SLC1A3: variants seen among roughly 807,000 people sequenced by gnomAD.
SLC1A3 encodes excitatory amino acid transporter 1.
SLC1A3 carries 21 observed loss-of-function variants against 48.1 expected under a neutral mutation model. The observed-to-expected ratio is 0.44, with a 90% CI of 0.31 to 0.63. The LOEUF (loss-of-function observed/expected upper bound fraction) is 0.63, where lower values mean the gene tolerates loss of function less well. SLC1A3 is among the 20% of genes least tolerant of loss of function. SLC1A3 has a pLI of 0.08. For synonymous variants in SLC1A3, 239 were observed against 251.4 expected (o/e 0.95, Z 0.47); for missense variants, 546 against 689.0 (o/e 0.79, Z 2.32).
At chr5:36,680,186 A>G (rs1372360166) in intron 7 of SLC1A3, among the ~76,000 whole-genome samples, 1 of 152,238 alleles carries the variant, frequency 6.6e-6, no homozygotes, top group Non-Finnish European at 1.5e-5. Flanking sequence ...TGCCTCACAG[A>G]GGAACCCAGA....
intron 2 of SLC1A3, among the ~76,000 whole-genome samples, chr5:36,628,088 A>G (rs1739983531): frequency 1.3e-5 from 2 of 152,190 alleles, no homozygotes; most frequent in Non-Finnish European, 1.5e-5. Context: ...GCGTTTTCCA[A>G]TTCAACTTTT....
intron 3 of SLC1A3, among the ~76,000 whole-genome samples, chr5:36,647,256 C>G (rs1740875948): frequency 6.6e-6 from 1 of 152,152 alleles, no homozygotes; most frequent in Non-Finnish European, 1.5e-5. Context: ...TGTGAGTACT[C>G]AACAAACACT....
At chr5:36,613,094 C>G in intron 2 of SLC1A3, 2 of 307,470 alleles carry the variant, frequency 6.5e-6, no homozygotes, top group South Asian at 5.3e-5. Flanking sequence ...TGGGGGTGCA[C>G]GAGGGTAAGT....
intron 3 of SLC1A3, among the ~76,000 whole-genome samples, chr5:36,642,785 A>G (rs893590263): frequency 3.3e-5 from 5 of 152,206 alleles, no homozygotes; most frequent in African/African-American, 9.6e-5. Context: ...ACCTATTATG[A>G]ACATGTCATG....
intron 5 of SLC1A3, among the ~76,000 whole-genome samples, chr5:36,676,636 T>C (rs938892814): frequency 7.6e-6 from 1 of 132,232 alleles, no homozygotes; most frequent in Non-Finnish European, 1.6e-5. Context: ...TGTTATGTAT[T>C]TGAGTGTGTG....
intron 1 of SLC1A3, among the ~76,000 whole-genome samples, chr5:36,600,921 A>G (rs933910026): frequency 6.6e-6 from 1 of 152,240 alleles, no homozygotes; most frequent in African/African-American, 2.4e-5. Flanking sequence ...ATTTGTGCTC[A>G]AGGCCCAGTT....
At chr5:36,657,738 A>G (rs993615060) in intron 3 of SLC1A3, among the ~76,000 whole-genome samples, 3 of 152,234 alleles carry the variant, frequency 2.0e-5, no homozygotes, top group Non-Finnish European at 2.9e-5. Context: ...CAATTGCGCA[A>G]TTACAGGATG....
chr5:36,597,431 A>T (rs1738757849), intron 1 of SLC1A3, among the ~76,000 whole-genome samples: 1 of 150,524 alleles, frequency 6.6e-6, no homozygotes, highest in South Asian at 2.1e-4. Context: ...TTTAGTAGAG[A>T]CGGGGTTTCA....
chr5:36,598,392 C>T (rs1458674047), intron 1 of SLC1A3, among the ~76,000 whole-genome samples: 1 of 152,088 alleles, frequency 6.6e-6, no homozygotes, highest in Non-Finnish European at 1.5e-5. Context: ...ATTACTATTA[C>T]CATTAGCCAT....
At position 36,608,462 on chromosome 5, in the gene SLC1A3, C is replaced by A. The variant is rs1420767929; in HGVS notation, c.39C>A (p.Gly13=). The change falls in exon 2 of 10, where the codon GGC becomes GGA. Residue 13 remains glycine (G), a synonymous_variant. Transcript: ENST00000265113. Reference sequence around the variant, plus strand: ...ATGGAGAAGAGCCCAAGATGGGGGGCAGGATGGAGAGATTCCAGCAGGGAG... The same window carrying A: ...ATGGAGAAGAGCCCAAGATGGGGGGAAGGATGGAGAGATTCCAGCAGGGAG... ...KSNGEEPKMG[G]RMERFQQGVR... 6.2e-7 allele frequency: 1 copy of A among 1,613,946 alleles called. No homozygotes were observed. The highest frequency in any genetic ancestry group is 1.1e-5 in the South Asian group (1 of 91,086).
At chr5:36,638,645 G>C (rs62354639) in intron 3 of SLC1A3, 7,271 of 152,448 alleles carry the variant, frequency 0.048, 377 homozygotes, top group East Asian at 0.22. Context: ...TCCTGCCTGA[G>C]AAGTGTACCA....
chr5:36,659,200 T>A (rs1741407533), intron 3 of SLC1A3, among the ~76,000 whole-genome samples: 1 of 152,206 alleles, frequency 6.6e-6, no homozygotes, highest in Non-Finnish European at 1.5e-5. Context: ...ATGCCAGCAA[T>A]GCCACTTATT....
At chr5:36,656,174 T>G (rs1258443922) in intron 3 of SLC1A3, among the ~76,000 whole-genome samples, 3 of 152,224 alleles carry the variant, frequency 2.0e-5, no homozygotes, top group African/African-American at 4.8e-5. Flanking sequence ...AAAAAAAATA[T>G]GCTGGTTATT....
At chr5:36,634,878 C>T (rs945166309) in intron 3 of SLC1A3, among the ~76,000 whole-genome samples, 6 of 152,296 alleles carry the variant, frequency 3.9e-5, no homozygotes, top group South Asian at 2.1e-4. Context: ...CCTCAAAGTA[C>T]GGTCCTTTGG....
intron 1 of SLC1A3, among the ~76,000 whole-genome samples, chr5:36,598,545 T>G (rs914840917): frequency 5.3e-5 from 8 of 152,248 alleles, no homozygotes; most frequent in Admixed American, 2.6e-4. Context: ...GAGCAATCAC[T>G]TTCTAACAGT....
chr5:36,680,512 C>G lies in SLC1A3; in HGVS notation c.1212C>G (p.Leu404=). Reference sequence around the variant, plus strand: ...CCATTAACATGGATGGGACTGCCCTCTATGAGGCTTTGGCTGCCATTTTCA... The same window carrying G: ...CCATTAACATGGATGGGACTGCCCTGTATGAGGCTTTGGCTGCCATTTTCA... ...GATINMDGTA[L]YEALAAIFIA... Residue 404 remains leucine (L), a synonymous_variant, in exon 8 of 10, where the codon CTC becomes CTG. Coordinates refer to ENST00000265113, the MANE Select transcript of SLC1A3 (RefSeq NM_004172.5). 6.2e-7 allele frequency: 1 copy of G among 1,614,214 alleles called. No individual in the cohort carries two copies. Among genetic ancestry groups the G allele is most frequent in the Non-Finnish European group, 8.5e-7 (1 of 1,180,006 alleles).
In SLC1A3 at chr5:36,629,442, T is replaced by C. The variant is rs758803628; in HGVS notation, c.182-8T>C. The C allele has an allele frequency of 6.8e-5, 110 of 1,607,552 alleles. No individual in the cohort carries two copies. The South Asian group carries it at 1.0e-3, about 15-fold the overall frequency. ...TTTTCTTTTTCTTTTTTTTTTTTTT[T>C]CCTTCAGGTACAATCCTTGGATTTA... On this transcript the variant is annotated splice_polypyrimidine_tract_variant and splice_region_variant and intron_variant, in intron 2 of 9. Coordinates refer to ENST00000265113, the MANE Select transcript of SLC1A3 (RefSeq NM_004172.5).
At chr5:36,628,336 T>C (rs567656977) in intron 2 of SLC1A3, among the ~76,000 whole-genome samples, 1 of 152,278 alleles carries the variant, frequency 6.6e-6, no homozygotes, top group Non-Finnish European at 1.5e-5. Context: ...GTTAAGACAG[T>C]TCAGTTTCCG....
intron 3 of SLC1A3, 42 bp downstream of exon 3, chr5:36,629,629 G>A (rs764404848): frequency 1.3e-6 from 2 of 1,564,976 alleles, no homozygotes; most frequent in East Asian, 2.2e-5. Flanking sequence ...TTTTTTAAGT[G>A]TGTTTATTGC....
Sources: allele counts gnomAD v4.1 joint callset (sites outside exome capture counted in the v4.1 genomes callset), GRCh38; gene constraint gnomAD v4.1.1; transcripts MANE v1.5; gene names NCBI Gene and HGNC (gene_info 2026-07-23, HGNC 2026-07-21).